ZNF322: variants seen among roughly 807,000 people sequenced by gnomAD.
ZNF322 encodes HLA complex group 12.
Under a neutral mutation model 18.3 loss-of-function variants are expected in ZNF322, and 1 was observed. That is an observed-to-expected ratio of 0.05 (90% CI 0.02 to 0.26). The LOEUF is 0.26. Among genes scored for constraint, ZNF322 ranks in the 10% least tolerant of loss-of-function variants. The pLI is 1.00. For missense variants in ZNF322, 36 were observed against 403.6 expected (o/e 0.09, Z 7.80); for synonymous variants, 17 against 130.7 (o/e 0.13, Z 5.93).
intron 2 of ZNF322, among the ~76,000 whole-genome samples, chr6:26,647,234 A>G (rs1765573073): frequency 6.6e-6 from 1 of 152,170 alleles, no homozygotes; most frequent in African/African-American, 2.4e-5. Context: ...CAGGAGTTCA[A>G]GACCAGCCTG....
chr6:26,644,714 A>G (rs2113663168), intron 2 of ZNF322, among the ~76,000 whole-genome samples: 1 of 152,296 alleles, frequency 6.6e-6, no homozygotes, highest in South Asian at 2.1e-4. Flanking sequence ...CCCTAAATAT[A>G]GAAGTGAGGG....
intron 2 of ZNF322, among the ~76,000 whole-genome samples, chr6:26,652,723 G>A (rs1397125023): frequency 6.6e-6 from 1 of 151,936 alleles, no homozygotes; most frequent in East Asian, 1.9e-4. Flanking sequence ...ATACCCCATA[G>A]AATGTACAAC....
intron 2 of ZNF322, 55 bp from the exon 3 acceptor site, chr6:26,643,783 G>GATC (rs1421322935): frequency 9.8e-5 from 15 of 152,848 alleles, no homozygotes. Flanking sequence ...TTTAGCACTA[G>GATC]ATCATTTACA....
intron 2 of ZNF322, among the ~76,000 whole-genome samples, chr6:26,644,467 T>A (rs113022279): frequency 0.012 from 1,754 of 152,292 alleles, 12 homozygotes; most frequent in Non-Finnish European, 0.018. Flanking sequence ...ATGACATGTT[T>A]TATGGCTCTA....
intron 2 of ZNF322, among the ~76,000 whole-genome samples, chr6:26,649,034 A>G (rs782253269): frequency 1.4e-4 from 22 of 152,268 alleles, no homozygotes; most frequent in South Asian, 8.3e-4. Flanking sequence ...GGCAGAATTG[A>G]GTAGTCACAA....
At chr6:26,650,280 A>G (rs1554149081) in intron 2 of ZNF322, 1 of 152,182 alleles carries the variant, frequency 6.6e-6, no homozygotes, top group Non-Finnish European at 1.5e-5. Flanking sequence ...ACTAGGAACA[A>G]AGAGAAACTT....
At chr6:26,655,932 A>G (rs1272114755) in intron 2 of ZNF322, among the ~76,000 whole-genome samples, 2 of 152,216 alleles carry the variant, frequency 1.3e-5, no homozygotes, top group African/African-American at 4.8e-5. Flanking sequence ...TTCATTATAA[A>G]TTACTCAGTC....
At chr6:26,648,669 A>G (rs1455915493) in intron 2 of ZNF322, among the ~76,000 whole-genome samples, 1 of 152,238 alleles carries the variant, frequency 6.6e-6, no homozygotes, top group Non-Finnish European at 1.5e-5. Context: ...GGAACACACA[A>G]TGATAGAGAA....
At chr6:26,641,623 A>C (rs1765467617) in intron 3 of ZNF322, among the ~76,000 whole-genome samples, 1 of 152,236 alleles carries the variant, frequency 6.6e-6, no homozygotes, top group African/African-American at 2.4e-5. Flanking sequence ...CTCTAGCCCC[A>C]GCCCTGTGCT....
chr6:26,650,963 G>T (rs1401212774), intron 2 of ZNF322, among the ~76,000 whole-genome samples: 1 of 152,136 alleles, frequency 6.6e-6, no homozygotes, highest in African/African-American at 2.4e-5. Flanking sequence ...CTAGATTAGC[G>T]ATCATAATGC....
At chr6:26,643,115 C>G (rs1445832106) in intron 3 of ZNF322, among the ~76,000 whole-genome samples, 4 of 152,210 alleles carry the variant, frequency 2.6e-5, no homozygotes, top group Non-Finnish European at 5.9e-5. Context: ...TGTTCTAATC[C>G]AGCCGCAATG....
intron 2 of ZNF322, among the ~76,000 whole-genome samples, chr6:26,649,701 ATTT>A (rs1321909101): frequency 2.5e-4 from 19 of 76,796 alleles, no homozygotes; most frequent in East Asian, 7.9e-4. Flanking sequence ...ATATATATAT[ATTT>A]TTTTTTTTTT....
intron 2 of ZNF322, among the ~76,000 whole-genome samples, chr6:26,646,669 A>C (rs1406835197): frequency 2.0e-5 from 3 of 152,218 alleles, no homozygotes; most frequent in Non-Finnish European, 2.9e-5. Flanking sequence ...CTAATTAATA[A>C]GTAAATCTTA....
chr6:26,644,654 T>C (rs903486160), intron 2 of ZNF322, among the ~76,000 whole-genome samples: 1 of 152,194 alleles, frequency 6.6e-6, no homozygotes, highest in African/African-American at 2.4e-5. Context: ...TTTATTTCTT[T>C]TTTTTCCCCC....
At chr6:26,649,667 GTGTGTGTGTATATATATATATATA>G (rs1765621709) in intron 2 of ZNF322, among the ~76,000 whole-genome samples, 1 of 44,196 alleles carries the variant, frequency 2.3e-5, no homozygotes, top group African/African-American at 8.7e-5. Flanking sequence ...GTGTGTGTGT[GTGTGTGTGTATATATATATATATA>G]TATATATATA....
At chr6:26,655,711 C>T (rs562836935) in intron 2 of ZNF322, among the ~76,000 whole-genome samples, 1 of 152,308 alleles carries the variant, frequency 6.6e-6, no homozygotes. Flanking sequence ...ATGTAGGTAA[C>T]AGGGGCACCA....
At chr6:26,652,623 G>C (rs1312909662) in intron 2 of ZNF322, among the ~76,000 whole-genome samples, 2 of 152,066 alleles carry the variant, frequency 1.3e-5, no homozygotes, top group Admixed American at 1.3e-4. Flanking sequence ...CTGGGAGGCA[G>C]AGGTTGCAGT....
intron 3 of ZNF322, among the ~76,000 whole-genome samples, chr6:26,641,729 G>C (rs1206137404): frequency 6.6e-6 from 1 of 152,158 alleles, no homozygotes; most frequent in Non-Finnish European, 1.5e-5. Context: ...AGTATGCTTG[G>C]TAAAAGTCAT....
intron 2 of ZNF322, among the ~76,000 whole-genome samples, chr6:26,653,708 G>C (rs942310748): frequency 2.6e-5 from 4 of 152,102 alleles, no homozygotes; most frequent in African/African-American, 9.7e-5. Flanking sequence ...AGAAACTAAT[G>C]AGATTGGTTA....
Sources: gnomAD v4.1 joint callset for allele counts (sites outside exome capture counted in the v4.1 genomes callset) on GRCh38, gnomAD v4.1.1 for gene constraint, MANE v1.5 for transcripts, NCBI Gene and HGNC (gene_info 2026-07-23, HGNC 2026-07-21) for gene names.